The following TEAD4 variants were observed in gnomAD, a reference collection of about 807,000 sequenced individuals.
The protein encoded by TEAD4 is TEA domain transcription factor 4, also known as transcriptional enhancer factor TEF-3.
In TEAD4, 36 loss-of-function variants were observed where a neutral mutation model predicts 52.4. The ratio of observed to expected loss-of-function variants is 0.69; its 90% confidence interval spans 0.53 to 0.91. The LOEUF is 0.91. TEAD4 is among the 40% of genes least tolerant of loss of function. The pLI is 0.00. For synonymous variants in TEAD4, 220 were observed against 231.0 expected (o/e 0.95, Z 0.43); for missense variants, 508 against 583.9 (o/e 0.87, Z 1.34).
chr12:2,993,667 G>A (rs2098244938), intron 2 of TEAD4, among the ~76,000 whole-genome samples: 1 of 149,646 alleles, frequency 6.7e-6, no homozygotes, highest in Non-Finnish European at 1.5e-5. Context: ...TTGTAGAGAT[G>A]GGGTCTCCCG....
intron 2 of TEAD4, among the ~76,000 whole-genome samples, chr12:2,967,850 A>G (rs929847642): frequency 2.0e-5 from 3 of 152,302 alleles, no homozygotes; most frequent in Admixed American, 2.0e-4. Flanking sequence ...GACCCAGGTC[A>G]ATCTGACTCT....
Position 2,985,476 on chromosome 12 carries a change from A to G in TEAD4, c.-29-9262A>G, listed in dbSNP as rs372912886. ...TTTTCTTAATTTATATCTTTATTCTATAAGCCTTCTTCTGTTTACAAAATC... is the reference window on the plus strand; with the variant it reads ...TTTTCTTAATTTATATCTTTATTCTGTAAGCCTTCTTCTGTTTACAAAATC... On this transcript the variant is annotated intron_variant, in intron 2 of 12. Transcript: ENST00000359864. Among the ~76,000 whole-genome samples the G allele has an allele frequency of 1.1e-4, 17 of 149,298 alleles. No individual in the cohort carries two copies. The East Asian group carries it at 2.5e-3, about 22-fold the overall frequency.
At chr12:3,005,461 T>TTATTTA (rs1212846784) in intron 3 of TEAD4, among the ~76,000 whole-genome samples, 1 of 151,858 alleles carries the variant, frequency 6.6e-6, no homozygotes, top group African/African-American at 2.4e-5. Flanking sequence ...GCCTGGCTAA[T>TTATTTA]TTTTTATTTT....
Position 2,994,099 on chromosome 12 carries a change from T to C in TEAD4, c.-29-639T>C, listed in dbSNP as rs967366172. 5.3e-5 allele frequency among the ~76,000 whole-genome samples: 8 copies of C among 151,764 alleles called. No individual in the cohort carries two copies. Among genetic ancestry groups the C allele is most frequent in the African/African-American group, 1.7e-4 (7 of 41,280 alleles). The stretch of plus-strand genomic sequence containing the variant: ...GTATATACCCAGGTATTGGGTCATA[T>C]GGTCTTGCTCTGTCACCCAGGCTGG... On this transcript the variant is annotated intron_variant, in intron 2 of 12. Transcript: ENST00000359864. This position sits in a 1 kb window ranked among gnomAD's most constrained non-coding sequence, Gnocchi z 4.7.
At chr12:2,963,701 T>C (rs978625586) in intron 2 of TEAD4, among the ~76,000 whole-genome samples, 4 of 152,230 alleles carry the variant, frequency 2.6e-5, no homozygotes, top group African/African-American at 9.6e-5. Context: ...TAATCACACC[T>C]GTGTGATCTG....
rs181150340 is a variant in TEAD4, at chr12:2,970,019, G to T, written c.-30+9979G>T. On this transcript the variant is annotated intron_variant, in intron 2 of 12. Coordinates refer to ENST00000359864, the MANE Select transcript of TEAD4 (RefSeq NM_003213.4). The stretch of plus-strand genomic sequence containing the variant: ...GGCGGGAGAGTTGCTTGAGCCCAGG[G>T]GTTTGAGACCAGCCTGGGCAACATA... 9.5e-4 allele frequency among the ~76,000 whole-genome samples: 145 copies of T among 152,156 alleles called. 2 individuals carry two copies. The East Asian group carries it at 0.026, about 27-fold the overall frequency.
chr12:2,968,352 C>A (rs1055624538), intron 2 of TEAD4, among the ~76,000 whole-genome samples: 1 of 136,272 alleles, frequency 7.3e-6, no homozygotes, highest in African/African-American at 2.8e-5. Flanking sequence ...TCCCAAAGTG[C>A]TGGGATTACA....
chr12:3,035,837 AAG>A (rs1555131279), intron 10 of TEAD4, among the ~76,000 whole-genome samples: 1,653 of 143,934 alleles, frequency 0.011, 44 homozygotes, highest in African/African-American at 0.038. Flanking sequence ...AAAAAAAAAA[AAG>A]AAGAAGAAGA....
chr12:2,971,641 A>G (rs1450135659), intron 2 of TEAD4, among the ~76,000 whole-genome samples: 1 of 149,760 alleles, frequency 6.7e-6, no homozygotes, highest in Non-Finnish European at 1.5e-5. Flanking sequence ...ACACCTGGCT[A>G]ATTTTTTGTA....
intron 3 of TEAD4, among the ~76,000 whole-genome samples, chr12:3,007,930 A>G (rs2098257223): frequency 6.6e-6 from 1 of 152,222 alleles, no homozygotes; most frequent in South Asian, 2.1e-4. Flanking sequence ...TTAGAAGGCT[A>G]AAACAGTTAC....
chr12:3,023,790 C>CAAAAAA (rs71057878), intron 10 of TEAD4, among the ~76,000 whole-genome samples: 3 of 132,034 alleles, frequency 2.3e-5, no homozygotes, highest in African/African-American at 8.7e-5. Flanking sequence ...GAGACTGTCT[C>CAAAAAA]AAAAAAAAAA....
Position 3,022,023 on chromosome 12 carries a change from C to T in TEAD4, c.897+6C>T, listed in dbSNP as rs79782169. 32,656 of 1,613,572 alleles carry T rather than the reference C, an allele frequency of 0.02. 1,416 individuals are homozygous for T. Among genetic ancestry groups the T allele is most frequent in the African/African-American group, 0.17 (13,021 of 74,998 alleles). On this transcript the variant is annotated splice_donor_region_variant and intron_variant, in intron 10 of 12. Transcript: ENST00000359864. ...TTTTTCTTGTGAAGTTCTGGGTAAG[C>T]CTGTGATAACCCCTTCTTTCCTGCC...
intron 3 of TEAD4, 48 bp downstream of exon 3, chr12:2,995,040 G>A: frequency 6.3e-7 from 1 of 1,583,824 alleles, no homozygotes; most frequent in Non-Finnish European, 8.6e-7. Flanking sequence ...TGAGGCAAGG[G>A]GCCGACACCA....
chr12:3,038,200 G>T, intron 11 of TEAD4, 92 bp downstream of exon 11: 1 of 1,488,578 alleles, frequency 6.7e-7, no homozygotes, highest in Non-Finnish European at 9.1e-7. Flanking sequence ...AATGCCCTCC[G>T]TTAGGGAGCC....
At chr12:2,971,731 TC>T (rs1424262149) in intron 2 of TEAD4, among the ~76,000 whole-genome samples, 1 of 151,638 alleles carries the variant, frequency 6.6e-6, no homozygotes, top group African/African-American at 2.4e-5. Flanking sequence ...CGCCACGGCC[TC>T]CCAAAGTGCT....
chr12:2,960,773 G>A (rs948144457), intron 2 of TEAD4, among the ~76,000 whole-genome samples: 1 of 152,224 alleles, frequency 6.6e-6, no homozygotes, highest in Non-Finnish European at 1.5e-5. Flanking sequence ...CGTCTCTTGA[G>A]TATGTGTTTC....
intron 10 of TEAD4, among the ~76,000 whole-genome samples, chr12:3,032,650 C>T (rs2098276421): frequency 6.6e-6 from 1 of 152,144 alleles, no homozygotes; most frequent in African/African-American, 2.4e-5. Context: ...GTGTATGTGG[C>T]CGGCTGGTAC....
At chr12:2,986,552 A>G (rs887775074) in intron 2 of TEAD4, among the ~76,000 whole-genome samples, 7 of 152,052 alleles carry the variant, frequency 4.6e-5, no homozygotes, top group Non-Finnish European at 1.0e-4. Context: ...AGTCACGAGA[A>G]TCGCTTGACC....
At chr12:2,985,653 G>A (rs569616052) in intron 2 of TEAD4, among the ~76,000 whole-genome samples, 5 of 151,062 alleles carry the variant, frequency 3.3e-5, no homozygotes, top group Admixed American at 6.6e-5. Flanking sequence ...TTATAGGTGC[G>A]CACCATCATG....
Sources: allele counts gnomAD v4.1 joint callset (sites outside exome capture counted in the v4.1 genomes callset), GRCh38; gene constraint gnomAD v4.1.1; non-coding constraint Gnocchi (gnomAD v3.1); transcripts MANE v1.5; gene names NCBI Gene and HGNC (gene_info 2026-07-23, HGNC 2026-07-21).